POC1B: variants seen among roughly 807,000 people sequenced by gnomAD.
The protein encoded by POC1B is POC1 centriolar protein homolog B.
A neutral mutation model predicts 60.6 loss-of-function variants in POC1B; 44 were observed. The observed-to-expected ratio is 0.73, with a 90% confidence interval of 0.57 to 0.93. The LOEUF (loss-of-function observed/expected upper bound fraction) is 0.93, where lower values mean the gene tolerates loss of function less well. Among genes scored for constraint, POC1B ranks in the 40% least tolerant of loss-of-function variants. The pLI is 0.00. For missense variants in POC1B, 555 were observed against 572.3 expected, an observed-to-expected ratio of 0.97 and a Z score of 0.31; for synonymous variants, 180 against 198.9, an observed-to-expected ratio of 0.90 and a Z score of 0.80.
chr12:89,521,988 A>G, intron 2 of POC1B: 1 of 399,028 alleles, frequency 2.5e-6, no homozygotes, highest in Non-Finnish European at 4.4e-6. Flanking sequence ...AGGGAGGCAT[A>G]GTATTCTGGA....
intron 2 of POC1B, chr12:89,500,889 T>G (rs1869529418): frequency 1.9e-6 from 2 of 1,053,326 alleles, no homozygotes; most frequent in Non-Finnish European, 2.8e-6. Context: ...AAAAAGTTTT[T>G]CAACATTGTT....
At chr12:89,506,634 C>T (rs1160520021) in intron 2 of POC1B, among the ~76,000 whole-genome samples, 1 of 152,154 alleles carries the variant, frequency 6.6e-6, no homozygotes, top group Non-Finnish European at 1.5e-5. Flanking sequence ...CTGATCAGGA[C>T]CTGCTACATA....
At chr12:89,456,940 A>C (rs544686546) in intron 10 of POC1B, among the ~76,000 whole-genome samples, 32 of 152,338 alleles carry the variant, frequency 2.1e-4, no homozygotes, top group Admixed American at 5.2e-4. Flanking sequence ...TATGCTACTA[A>C]GAAATTTTAC....
At chr12:89,509,925 A>C (rs1870094455) in intron 2 of POC1B, among the ~76,000 whole-genome samples, 1 of 152,170 alleles carries the variant, frequency 6.6e-6, no homozygotes, top group Admixed American at 6.5e-5. Flanking sequence ...GGCTCACTGC[A>C]ACCTCTGCCT....
At chr12:89,510,836 C>A (rs559795427) in intron 2 of POC1B, among the ~76,000 whole-genome samples, 5 of 149,514 alleles carry the variant, frequency 3.3e-5, no homozygotes, top group Non-Finnish European at 7.4e-5. Flanking sequence ...CAGCTCACTG[C>A]GGCCTCTGCC....
At chr12:89,403,253 C>T in the POC1B span, among the ~76,000 whole-genome samples, 9 of 152,084 alleles carry the variant, frequency 5.9e-5, no homozygotes, top group African/African-American at 1.9e-4. Flanking sequence ...AGTGTCTGCT[C>T]GCCTTGGCCT....
chr12:89,401,774 T>G, the POC1B span, among the ~76,000 whole-genome samples: 1 of 152,256 alleles, frequency 6.6e-6, no homozygotes, highest in African/African-American at 2.4e-5. Flanking sequence ...TTATGACACT[T>G]GCAGTAATTT....
intron 4 of POC1B, among the ~76,000 whole-genome samples, chr12:89,475,892 CA>C (rs1883081306): frequency 7.3e-6 from 1 of 137,432 alleles, no homozygotes; most frequent in South Asian, 2.4e-4. Flanking sequence ...GGTATTCACT[CA>C]AAAGAATGAG....
chr12:89,422,790 G>C (rs558043772), intron 11 of POC1B, among the ~76,000 whole-genome samples: 3 of 152,116 alleles, frequency 2.0e-5, no homozygotes, highest in South Asian at 2.1e-4. Context: ...TACAGGAAAG[G>C]CATGACACTT....
chr12:89,405,512 G>A, the POC1B span, among the ~76,000 whole-genome samples: 9 of 152,098 alleles, frequency 5.9e-5, no homozygotes, highest in Admixed American at 2.6e-4. Flanking sequence ...GCATGGTGGC[G>A]TATGCCTGTA....
chr12:89,439,290 C>T (rs1034392770), intron 10 of POC1B, among the ~76,000 whole-genome samples: 1 of 152,132 alleles, frequency 6.6e-6, no homozygotes, highest in African/African-American at 2.4e-5. Context: ...TCTCTGGGTC[C>T]CAGACTTTTT....
intron 2 of POC1B, chr12:89,523,750 T>C (rs750860071): frequency 1.3e-6 from 2 of 1,543,906 alleles, no homozygotes; most frequent in South Asian, 1.3e-5. Context: ...TATCTGCATA[T>C]AGAATTCAAA....
intron 2 of POC1B, chr12:89,501,868 C>A: frequency 8.4e-7 from 1 of 1,196,860 alleles, no homozygotes; most frequent in Non-Finnish European, 1.2e-6. Context: ...TAAAGACAGC[C>A]AAAGAGTACA....
rs765377188 is a variant in POC1B at position 89,467,642 on chromosome 12, A to C, written c.854T>G (p.Phe285Cys). 1 of 1,612,582 alleles carries C rather than the reference A, an allele frequency of 6.2e-7. No homozygotes were observed. The highest frequency in any genetic ancestry group is 8.5e-7 in the Non-Finnish European group (1 of 1,178,978). ...TVSFSKGGEL[F>C]ASGGADTQVL... ...CTGTGTGTCTGCACCTCCTGATGCA[A>C]ATAGCTCTCCACCTTTTGAAAATGA... The change falls in exon 8 of 12, where the codon TTT becomes TGT. Residue 285 changes from phenylalanine (F) to cysteine (C), a missense_variant. Physicochemically the swap from Phe to Cys is radical, Grantham distance 205. Coordinates refer to ENST00000313546, the MANE Select transcript of POC1B (RefSeq NM_172240.3).
chr12:89,509,611 T>C (rs1870076190), intron 2 of POC1B, among the ~76,000 whole-genome samples: 1 of 152,240 alleles, frequency 6.6e-6, no homozygotes, highest in South Asian at 2.1e-4. Flanking sequence ...CTATTATCTA[T>C]CTATATGTAG....
intron 2 of POC1B, chr12:89,499,943 G>A (rs550479341): frequency 3.3e-5 from 20 of 605,096 alleles, no homozygotes; most frequent in South Asian, 2.5e-4. Context: ...CCAGATCGCA[G>A]CTCTTGCGGC....
chr12:89,502,221 G>C (rs1357473784), intron 2 of POC1B: 1 of 1,164,716 alleles, frequency 8.6e-7, no homozygotes, highest in African/African-American at 1.5e-5. Context: ...TGGATGATGA[G>C]GAAGTTCCTG....
chr12:89,464,792 A>AT (rs1450946066), intron 9 of POC1B, among the ~76,000 whole-genome samples: 4 of 138,092 alleles, frequency 2.9e-5, no homozygotes, highest in East Asian at 2.0e-4. Context: ...GGCCCAAGAG[A>AT]TTTTTTCAGG....
downstream of POC1B, among the ~76,000 whole-genome samples, chr12:89,415,721 G>A (rs1880352986): frequency 6.6e-6 from 1 of 151,992 alleles, no homozygotes; most frequent in South Asian, 2.1e-4. Flanking sequence ...GACAGCTACT[G>A]TGCTAATCAT....
Sources: gnomAD v4.1 joint callset for allele counts (sites outside exome capture counted in the v4.1 genomes callset) on GRCh38, gnomAD v4.1.1 for gene constraint, MANE v1.5 for transcripts, NCBI Gene and HGNC (gene_info 2026-07-23, HGNC 2026-07-21) for gene names.